The following SGCZ variants were observed in gnomAD, a reference collection of about 807,000 sequenced individuals.
SGCZ encodes zeta-sarcoglycan.
A neutral mutation model predicts 41.3 loss-of-function variants in SGCZ; 40 were observed. The observed-to-expected ratio is 0.97, with a 90% CI of 0.75 to 1.26. The LOEUF is 1.26. Among genes scored for constraint, SGCZ ranks in the 50% most tolerant of loss-of-function variants. The probability of loss-of-function intolerance (pLI) is 0.00; values close to 1 mark genes in which losing one functional copy is unlikely to be tolerated. For synonymous variants in SGCZ, 206 were observed against 137.5 expected (o/e 1.50, Z -3.49); for missense variants, 552 against 369.8 (o/e 1.49, Z -4.04).
At chr8:14,114,661 G>T (rs916629256) in intron 5 of SGCZ, among the ~76,000 whole-genome samples, 1 of 151,728 alleles carries the variant, frequency 6.6e-6, no homozygotes, top group Non-Finnish European at 1.5e-5. Context: ...GTGATCAAAA[G>T]GAAAATGCAT....
chr8:14,757,609 C>G (rs1042127798), intron 1 of SGCZ, among the ~76,000 whole-genome samples: 8 of 152,106 alleles, frequency 5.3e-5, no homozygotes, highest in African/African-American at 1.9e-4. Context: ...CTTGCCAGAT[C>G]AAGTTGTTCT....
chr8:14,147,648 C>T (rs184751885), intron 5 of SGCZ, among the ~76,000 whole-genome samples: 3 of 152,088 alleles, frequency 2.0e-5, no homozygotes, highest in Admixed American at 2.0e-4. Context: ...AGCATTGGAC[C>T]TATCCTCGAG....
In SGCZ at chr8:14,538,498, C is replaced by T. The variant is rs116498215; in HGVS notation, c.234+16234G>A. The stretch of plus-strand genomic sequence containing the variant: ...CTGTGGAAGTGAGGACTGTGGCCCT[C>T]TTCTAGGGTTTCTGTGGTGAAATTA... On this transcript the variant is annotated intron_variant, in intron 2 of 7. Coordinates refer to ENST00000382080, the MANE Select transcript of SGCZ (RefSeq NM_139167.4). 7.0e-3 allele frequency among the ~76,000 whole-genome samples: 1,064 copies of T among 152,028 alleles called. 13 individuals are homozygous for T. Among genetic ancestry groups the T allele is most frequent in the African/African-American group, 0.023 (970 of 41,504 alleles).
chr8:14,866,443 GA>G (rs200608136), intron 1 of SGCZ, among the ~76,000 whole-genome samples: 1 of 151,798 alleles, frequency 6.6e-6, no homozygotes, highest in African/African-American at 2.4e-5. Flanking sequence ...CTATAAGAAA[GA>G]AAAAAACACA....
intron 2 of SGCZ, among the ~76,000 whole-genome samples, chr8:14,476,407 A>G (rs2116992008): frequency 6.6e-6 from 1 of 152,136 alleles, no homozygotes; most frequent in South Asian, 2.1e-4. Flanking sequence ...ATATTTCTAT[A>G]TGTCTTGCTG....
At chr8:14,202,908 T>C (rs1805500711) in intron 4 of SGCZ, among the ~76,000 whole-genome samples, 1 of 152,140 alleles carries the variant, frequency 6.6e-6, no homozygotes, top group African/African-American at 2.4e-5. Flanking sequence ...CCACATCTTG[T>C]GGGAGGAATC....
intron 4 of SGCZ, among the ~76,000 whole-genome samples, chr8:14,228,060 C>T (rs1021259804): frequency 1.3e-5 from 2 of 152,018 alleles, no homozygotes; most frequent in African/African-American, 4.8e-5. Flanking sequence ...CATATGGACT[C>T]CTAAATTTTA....
chr8:14,710,294 C>T (rs1034251602), intron 1 of SGCZ, among the ~76,000 whole-genome samples: 1 of 150,168 alleles, frequency 6.7e-6, no homozygotes. Context: ...GGAGTGAACC[C>T]GGCAGGCAGA....
chr8:14,738,388 G>A (rs1351094126), intron 1 of SGCZ, among the ~76,000 whole-genome samples: 1 of 151,802 alleles, frequency 6.6e-6, no homozygotes, highest in Non-Finnish European at 1.5e-5. Context: ...CATTCCATTT[G>A]TTATCAAATT....
intron 4 of SGCZ, among the ~76,000 whole-genome samples, chr8:14,177,770 C>A (rs1292385094): frequency 6.8e-6 from 1 of 146,798 alleles, no homozygotes; most frequent in Non-Finnish European, 1.5e-5. Flanking sequence ...GTGATCCATT[C>A]GCCTCAGCCT....
At chr8:14,669,542 T>C (rs373242909) in intron 1 of SGCZ, among the ~76,000 whole-genome samples, 2 of 152,094 alleles carry the variant, frequency 1.3e-5, no homozygotes, top group Non-Finnish European at 2.9e-5. Flanking sequence ...TATAACAACA[T>C]AGATTCCATA....
intron 1 of SGCZ, among the ~76,000 whole-genome samples, chr8:14,985,792 C>A (rs1334142883): frequency 1.3e-5 from 2 of 152,166 alleles, no homozygotes; most frequent in Non-Finnish European, 2.9e-5. Context: ...AACATCTAGA[C>A]TTACTCATTG....
chr8:15,037,221 A>C (rs1390659659), intron 1 of SGCZ, among the ~76,000 whole-genome samples: 15 of 152,140 alleles, frequency 9.9e-5, no homozygotes, highest in Admixed American at 9.8e-4. Flanking sequence ...CTGAATCATA[A>C]TGGAGGCGGT....
intron 1 of SGCZ, among the ~76,000 whole-genome samples, chr8:14,710,206 A>C (rs1270249943): frequency 7.6e-6 from 1 of 131,634 alleles, no homozygotes; most frequent in East Asian, 2.5e-4. Flanking sequence ...TCTACTAAAA[A>C]AAACAAAAAA....
intron 4 of SGCZ, among the ~76,000 whole-genome samples, chr8:14,225,008 C>G (rs115862699): frequency 6.6e-6 from 1 of 152,112 alleles, no homozygotes; most frequent in Non-Finnish European, 1.5e-5. Context: ...GACACTAAAT[C>G]AGCTTTGCCA....
rs1245448322 is a variant in SGCZ at position 14,829,942 on chromosome 8, G to T, written c.40-275016C>A. ...TTCTCCTGCCTCAGCCTCCTGAGTA[G>T]CTGGGACTACAGGCGACTGCACCAC... On this transcript the variant is annotated intron_variant, in intron 1 of 7. Coordinates refer to ENST00000382080, the MANE Select transcript of SGCZ (RefSeq NM_139167.4). Among the ~76,000 whole-genome samples the T allele has an allele frequency of 4.6e-5, 7 of 152,050 alleles. No individual in the cohort carries two copies. In the South Asian group the frequency reaches 1.0e-3, roughly 23 times the overall value.
chr8:14,581,083 C>T (rs1028728802), intron 1 of SGCZ, among the ~76,000 whole-genome samples: 3 of 152,070 alleles, frequency 2.0e-5, no homozygotes, highest in African/African-American at 4.8e-5. Context: ...GAGGTTGTCT[C>T]GTACTTTGGT....
intron 1 of SGCZ, among the ~76,000 whole-genome samples, chr8:14,687,967 G>A (rs1433126966): frequency 2.6e-5 from 4 of 152,130 alleles, no homozygotes; most frequent in Non-Finnish European, 4.4e-5. Context: ...ATTTTTTCAT[G>A]TGTTTTTTGG....
At chr8:14,212,899 T>TA (rs1465337113) in intron 4 of SGCZ, among the ~76,000 whole-genome samples, 1 of 151,588 alleles carries the variant, frequency 6.6e-6, no homozygotes, top group Admixed American at 6.6e-5. Context: ...CTTATCAAAC[T>TA]AAAAAAATAT....
Sources: gnomAD v4.1 joint callset for allele counts (sites outside exome capture counted in the v4.1 genomes callset) on GRCh38, gnomAD v4.1.1 for gene constraint, MANE v1.5 for transcripts, NCBI Gene and HGNC (gene_info 2026-07-23, HGNC 2026-07-21) for gene names.